HACD2: variants seen among roughly 807,000 people sequenced by gnomAD.
HACD2 encodes very-long-chain (3R)-3-hydroxyacyl-CoA dehydratase 2.
In HACD2, 15 loss-of-function variants were observed where a neutral mutation model predicts 31.0. The observed-to-expected ratio is 0.48, with a 90% CI of 0.32 to 0.75. HACD2 has a LOEUF of 0.75. Among genes scored for constraint, HACD2 ranks in the 30% least tolerant of loss-of-function variants. HACD2 has a pLI of 0.03. For missense variants in HACD2, 283 were observed against 313.0 expected (o/e 0.90, Z 0.72); for synonymous variants, 115 against 122.2 (o/e 0.94, Z 0.39).
At chr3:123,498,792 A>G (rs2055867746) in intron 6 of HACD2, among the ~76,000 whole-genome samples, 1 of 152,168 alleles carries the variant, frequency 6.6e-6, no homozygotes, top group South Asian at 2.1e-4. Context: ...CCAAGATGAA[A>G]AGCTCACAGG....
intron 4 of HACD2, among the ~76,000 whole-genome samples, chr3:123,517,939 TCC>T (rs1410712133): frequency 0.35 from 8,016 of 22,704 alleles, 3,953 homozygotes; most frequent in East Asian, 1. Flanking sequence ...ACGCCTGTAA[TCC>T]CAGCACTTTG....
chr3:123,567,255 A>G (rs1239389788), intron 3 of HACD2, among the ~76,000 whole-genome samples: 1 of 152,242 alleles, frequency 6.6e-6, no homozygotes, highest in African/African-American at 2.4e-5. Flanking sequence ...AAAGGAAAAT[A>G]AAACATATTG....
intron 3 of HACD2, among the ~76,000 whole-genome samples, chr3:123,550,226 G>C (rs2056604931): frequency 6.6e-6 from 1 of 152,194 alleles, no homozygotes; most frequent in Non-Finnish European, 1.5e-5. Flanking sequence ...CCAGCCTCAA[G>C]CTGTCCCATC....
chr3:123,519,580 C>T (rs1487083764), intron 4 of HACD2, among the ~76,000 whole-genome samples: 5 of 152,102 alleles, frequency 3.3e-5, no homozygotes, highest in East Asian at 1.9e-4. Context: ...ATTCACTGTG[C>T]GTGACAACTA....
chr3:123,566,914 T>C (rs1374014799), intron 3 of HACD2, among the ~76,000 whole-genome samples: 2 of 152,170 alleles, frequency 1.3e-5, no homozygotes, highest in Non-Finnish European at 1.5e-5. Context: ...GTGGACAGTC[T>C]GGTGTTCTCT....
At position 123,582,711 on chromosome 3, in the gene HACD2, G is replaced by A. The variant is rs1253312865; in HGVS notation, c.156-382C>T. Among the ~76,000 whole-genome samples the A allele has an allele frequency of 2.0e-5, 3 of 152,158 alleles. No homozygotes were observed. The East Asian group carries it at 5.8e-4, about 29-fold the overall frequency. ...TAAAGGAAAATTTTAAACAGCCTGTGCAGTTAAAGGGTTTTTAATAATTAC... is the reference window on the plus strand; with the variant it reads ...TAAAGGAAAATTTTAAACAGCCTGTACAGTTAAAGGGTTTTTAATAATTAC... On this transcript the variant is annotated intron_variant, in intron 1 of 6. Coordinates refer to ENST00000383657, the MANE Select transcript of HACD2 (RefSeq NM_198402.5).
chr3:123,583,255 G>C (rs1292050915), intron 1 of HACD2, among the ~76,000 whole-genome samples: 3 of 152,108 alleles, frequency 2.0e-5, no homozygotes, highest in African/African-American at 7.2e-5. Flanking sequence ...CCTGGTTTAA[G>C]ATACCACTCC....
rs1298120288 is a variant in HACD2 at position 123,492,857 on chromosome 3, GAATAA to G, written c.*2026_*2030del. 2 of 152,098 alleles carry G rather than the reference GAATAA, an allele frequency of 1.3e-5. No individual in the cohort carries two copies. Among genetic ancestry groups the G allele is most frequent in the African/African-American group, 2.4e-5 (1 of 41,416 alleles). 9.4% of individuals were successfully genotyped at this position (152,098 alleles called of 1,614,324 possible). ...TTTATAGTAGAAATACATTATGGAAGAATAAAATGAGAGAAAAGTCATGCAAAAAA... is the reference window on the plus strand; with the variant it reads ...TTTATAGTAGAAATACATTATGGAAGAATGAGAGAAAAGTCATGCAAAAAA... On this transcript the variant is annotated 3_prime_UTR_variant, in exon 7 of 7. Transcript: ENST00000383657.
At chr3:123,567,012 T>C (rs1327676754) in intron 3 of HACD2, among the ~76,000 whole-genome samples, 1 of 152,214 alleles carries the variant, frequency 6.6e-6, no homozygotes, top group Admixed American at 6.5e-5. Flanking sequence ...GCCATAACGG[T>C]ATAGATTTGC....
rs1380723644 is a variant in HACD2 at position 123,493,010 on chromosome 3, C to A, written c.*1878G>T. The A allele has an allele frequency of 6.6e-6, 1 of 152,196 alleles. No homozygotes were observed. Among genetic ancestry groups the A allele is most frequent in the Non-Finnish European group, 1.5e-5 (1 of 68,036 alleles). The allele number at this position is 152,196 out of a possible 1,614,324, so 9.4% of individuals were successfully genotyped here. On this transcript the variant is annotated 3_prime_UTR_variant, in exon 7 of 7. Transcript: ENST00000383657. ...CAATTCAAAAATAATTTATTACACA[C>A]CTGCCTGCATTAAATTTTCAAACTT...
intron 2 of HACD2, among the ~76,000 whole-genome samples, chr3:123,573,169 T>C (rs749339522): frequency 1.2e-4 from 19 of 152,266 alleles, no homozygotes; most frequent in Non-Finnish European, 4.4e-5. Context: ...ATTCTACACA[T>C]ATATGATTTC....
At chr3:123,541,733 G>A (rs564500580) in intron 3 of HACD2, among the ~76,000 whole-genome samples, 10 of 152,256 alleles carry the variant, frequency 6.6e-5, no homozygotes, top group East Asian at 3.9e-4. Context: ...TGGTATGTAC[G>A]TTTAACATTT....
chr3:123,525,510 G>A (rs538401241), intron 4 of HACD2, among the ~76,000 whole-genome samples: 1 of 152,082 alleles, frequency 6.6e-6, no homozygotes, highest in Non-Finnish European at 1.5e-5. Flanking sequence ...TGTCCCATAG[G>A]GCTTCTTAAA....
At chr3:123,496,934 G>A (rs890365001) in intron 6 of HACD2, among the ~76,000 whole-genome samples, 1 of 152,170 alleles carries the variant, frequency 6.6e-6, no homozygotes, top group Non-Finnish European at 1.5e-5. Context: ...AGATGGCCAC[G>A]CAGACCTTCA....
intron 4 of HACD2, among the ~76,000 whole-genome samples, chr3:123,527,787 G>A (rs182928648): frequency 9.5e-4 from 145 of 152,334 alleles, no homozygotes; most frequent in Non-Finnish European, 1.6e-3. Context: ...CGGCCACAGG[G>A]CATGATAAAT....
intron 2 of HACD2, among the ~76,000 whole-genome samples, chr3:123,581,012 G>A (rs1181836968): frequency 6.6e-6 from 1 of 152,014 alleles, no homozygotes; most frequent in East Asian, 1.9e-4. Flanking sequence ...AGTAGAGACG[G>A]GGTTTCACTG....
At chr3:123,526,964 A>G (rs964830959) in intron 4 of HACD2, among the ~76,000 whole-genome samples, 1 of 152,264 alleles carries the variant, frequency 6.6e-6, no homozygotes, top group African/African-American at 2.4e-5. Context: ...GAGGAAGCAG[A>G]GCCCATGAAG....
At chr3:123,556,635 C>T (rs2056675508) in intron 3 of HACD2, among the ~76,000 whole-genome samples, 1 of 152,120 alleles carries the variant, frequency 6.6e-6, no homozygotes, top group African/African-American at 2.4e-5. Flanking sequence ...ATTTAAAAAT[C>T]TGTGCTTCCT....
At chr3:123,497,970 A>G (rs1371802012) in intron 6 of HACD2, among the ~76,000 whole-genome samples, 1 of 152,232 alleles carries the variant, frequency 6.6e-6, no homozygotes, top group Non-Finnish European at 1.5e-5. Context: ...GTCAACAGCA[A>G]CCTCTCCTAA....
Sources: allele counts gnomAD v4.1 joint callset (sites outside exome capture counted in the v4.1 genomes callset), GRCh38; gene constraint gnomAD v4.1.1; transcripts MANE v1.5; gene names NCBI Gene and HGNC (gene_info 2026-07-23, HGNC 2026-07-21).